TXNDC16: variants seen among roughly 807,000 people sequenced by gnomAD.
TXNDC16 encodes thioredoxin domain-containing protein 16.
In TXNDC16, 74 loss-of-function variants were observed where a neutral mutation model predicts 85.6. The ratio of observed to expected loss-of-function variants is 0.86; its 90% CI spans 0.72 to 1.05. TXNDC16 has a LOEUF of 1.05. Among genes scored for constraint, TXNDC16 ranks in the 50% least tolerant of loss-of-function variants. The pLI, the probability that TXNDC16 is intolerant of heterozygous loss-of-function variation, is 0.00. For synonymous variants in TXNDC16, 335 were observed against 326.5 expected (o/e 1.03, Z -0.28); for missense variants, 959 against 947.0 (o/e 1.01, Z -0.17).
chr14:52,445,470 A>G (rs963764183), intron 18 of TXNDC16, among the ~76,000 whole-genome samples: 3 of 152,220 alleles, frequency 2.0e-5, no homozygotes. Flanking sequence ...ATAGCTAATA[A>G]AAATGCTCCT....
chr14:52,534,562 C>T (rs1439967800), intron 6 of TXNDC16, among the ~76,000 whole-genome samples: 1 of 152,126 alleles, frequency 6.6e-6, no homozygotes, highest in African/African-American at 2.4e-5. Flanking sequence ...TTCTCACCTT[C>T]CCCTTCTTCA....
chr14:52,447,226 T>C (rs904613139), intron 18 of TXNDC16, among the ~76,000 whole-genome samples: 1 of 143,254 alleles, frequency 7.0e-6, no homozygotes, highest in Non-Finnish European at 1.5e-5. Flanking sequence ...TACAAGCTGA[T>C]GGAAGAGCCC....
intron 4 of TXNDC16, among the ~76,000 whole-genome samples, chr14:52,538,348 A>G (rs2037750012): frequency 6.6e-6 from 1 of 152,236 alleles, no homozygotes. Context: ...AACTAAGTCA[A>G]TGATGATGTC....
At position 52,543,443 on chromosome 14, in the gene TXNDC16, T is replaced by C; in HGVS notation, c.115A>G (p.Thr39Ala). Residue 39 changes from threonine (T) to alanine (A), a missense_variant, in exon 3 of 21, where the codon ACA becomes GCA. Physicochemically the swap from Thr to Ala is moderately conservative, Grantham distance 58 (BLOSUM62 0). Transcript: ENST00000281741. ...AAAGAGGCTTTTCCTGGTTGCAATG[T>C]ACTAAAATATTTCTGAGGACTCAGT... is the stretch of plus-strand genomic sequence containing the variant. ...PELSPQKYFS[T>A]LQPGKASLAY... The C allele has an allele frequency of 1.9e-6, 3 of 1,613,228 alleles. No homozygotes were observed. The highest frequency in any genetic ancestry group is 2.5e-6 in the Non-Finnish European group (3 of 1,179,614).
At chr14:52,502,687 G>C (rs1406407816) in intron 9 of TXNDC16, among the ~76,000 whole-genome samples, 1 of 152,176 alleles carries the variant, frequency 6.6e-6, no homozygotes, top group Non-Finnish European at 1.5e-5. Flanking sequence ...TCCAACTGAG[G>C]TACAAGGTTC....
intron 9 of TXNDC16, among the ~76,000 whole-genome samples, chr14:52,508,651 G>C (rs2036875633): frequency 6.6e-6 from 1 of 152,118 alleles, no homozygotes; most frequent in African/African-American, 2.4e-5. Context: ...CAATAGCAAA[G>C]ACTTGGAACC....
chr14:52,447,533 G>A (rs772659308), intron 18 of TXNDC16, among the ~76,000 whole-genome samples: 2 of 152,162 alleles, frequency 1.3e-5, no homozygotes, highest in African/African-American at 2.4e-5. Context: ...GGGTGGTTGC[G>A]TCACTCCACC....
At chr14:52,443,483 T>C (rs1212553060) in intron 18 of TXNDC16, among the ~76,000 whole-genome samples, 1 of 152,218 alleles carries the variant, frequency 6.6e-6, no homozygotes, top group Non-Finnish European at 1.5e-5. Context: ...TTTTAGGAAT[T>C]GATATTTGAG....
At chr14:52,530,440 A>T (rs193151574) in intron 6 of TXNDC16, among the ~76,000 whole-genome samples, 3 of 2,862 alleles carry the variant, frequency 1.0e-3, no homozygotes, top group Non-Finnish European at 1.5e-3. Context: ...ATAATATATA[A>T]TATATTATTA....
chr14:52,540,627 A>G (rs1245241267), intron 4 of TXNDC16, among the ~76,000 whole-genome samples: 2 of 152,146 alleles, frequency 1.3e-5, no homozygotes, highest in Non-Finnish European at 2.9e-5. Context: ...TCGGTCTCAA[A>G]AAAAAGAAGA....
chr14:52,537,491 G>T (rs1429936037), intron 5 of TXNDC16, 108 bp downstream of exon 5: 1 of 791,926 alleles, frequency 1.3e-6, no homozygotes, highest in East Asian at 2.7e-5. Flanking sequence ...AGCTTTACAT[G>T]ATCCCCCCTA....
rs1029609946 is a variant in TXNDC16 at position 52,461,636 on chromosome 14, G to C, written c.1619-4462C>G. Among the ~76,000 whole-genome samples the C allele has an allele frequency of 6.6e-5, 10 of 152,170 alleles. 1 individual carries two copies. Among genetic ancestry groups the C allele is most frequent in the African/African-American group, 2.2e-4 (9 of 41,434 alleles). On this transcript the variant is annotated intron_variant, in intron 16 of 20. Coordinates refer to ENST00000281741, the MANE Select transcript of TXNDC16 (RefSeq NM_020784.3). Reference sequence around the variant, plus strand: ...TCCTAAATTTACATACCAGATGTCAGGACAGAAGACAGAGCTGTGAAGAGG... The same window carrying C: ...TCCTAAATTTACATACCAGATGTCACGACAGAAGACAGAGCTGTGAAGAGG...
At chr14:52,468,386 T>C (rs1166032311) in intron 16 of TXNDC16, among the ~76,000 whole-genome samples, 1 of 152,024 alleles carries the variant, frequency 6.6e-6, no homozygotes, top group Non-Finnish European at 1.5e-5. Context: ...TTTTTATAGC[T>C]AAAAGCAATA....
Position 52,490,953 on chromosome 14 carries a change from C to T in TXNDC16, c.809G>A (p.Gly270Asp). 4 of 1,610,874 alleles carry T rather than the reference C, an allele frequency of 2.5e-6. No individual in the cohort carries two copies. The highest frequency in any genetic ancestry group is 3.4e-6 in the Non-Finnish European group (4 of 1,179,184). Residue 270 changes from glycine (G) to aspartate (D), a missense_variant, in exon 10 of 21, where the codon GGC (glycine) becomes GAC (aspartate). By Grantham distance (94) the Gly-to-Asp change is moderately conservative. Transcript: ENST00000281741. ...QQVSTVHLQL[G>D]LPLVFIVSQQ... is the part of the protein sequence containing the mutation. ...GCTAACAATAAAAACCAGTGGTAAGCCCAGTTGGAGATGGACAGTTGAAAC... is the reference window on the plus strand; with the variant it reads ...GCTAACAATAAAAACCAGTGGTAAGTCCAGTTGGAGATGGACAGTTGAAAC...
At chr14:52,546,589 C>G (rs1212802373) in intron 1 of TXNDC16, among the ~76,000 whole-genome samples, 1 of 152,214 alleles carries the variant, frequency 6.6e-6, no homozygotes, top group African/African-American at 2.4e-5. Context: ...TTACAGTCTT[C>G]TGCTGCAGTC....
At chr14:52,507,403 T>A (rs1410264626) in intron 9 of TXNDC16, among the ~76,000 whole-genome samples, 1 of 151,718 alleles carries the variant, frequency 6.6e-6, no homozygotes, top group Non-Finnish European at 1.5e-5. Flanking sequence ...CACTGCTCAG[T>A]GAAATAAAAG....
intron 9 of TXNDC16, among the ~76,000 whole-genome samples, chr14:52,497,838 G>A (rs150448300): frequency 4.1e-4 from 59 of 142,560 alleles, no homozygotes; most frequent in African/African-American, 1.4e-3. Flanking sequence ...CCGAGATTGC[G>A]CCACTGCACT....
At chr14:52,466,848 C>CAG (rs2035788645) in intron 16 of TXNDC16, among the ~76,000 whole-genome samples, 1 of 151,790 alleles carries the variant, frequency 6.6e-6, no homozygotes, top group Non-Finnish European at 1.5e-5. Flanking sequence ...GCCTGGGTGA[C>CAG]AGAGCAAGAC....
At chr14:52,441,357 C>T (rs971967845) in intron 18 of TXNDC16, among the ~76,000 whole-genome samples, 3 of 151,928 alleles carry the variant, frequency 2.0e-5, no homozygotes, top group Non-Finnish European at 4.4e-5. Context: ...GCCTGTAATC[C>T]CAGCACTTTG....
Sources: allele counts gnomAD v4.1 joint callset (sites outside exome capture counted in the v4.1 genomes callset), GRCh38; gene constraint gnomAD v4.1.1; transcripts MANE v1.5; gene names NCBI Gene and HGNC (gene_info 2026-07-23, HGNC 2026-07-21).